ZNF268: variants seen among roughly 807,000 people sequenced by gnomAD.
ZNF268 encodes the protein zinc finger protein 3.
In ZNF268, 20 loss-of-function variants were observed where a neutral mutation model predicts 29.3. The observed-to-expected ratio is 0.68, with a 90% CI of 0.48 to 0.99. The LOEUF is 0.99. ZNF268 is among the 50% of genes least tolerant of loss of function. The pLI, the probability that ZNF268 is intolerant of heterozygous loss-of-function variation, is 0.00. For missense variants in ZNF268, 1,240 were observed against 1,121.6 expected, an observed-to-expected ratio of 1.11 and a Z score of -1.51; for synonymous variants, 429 against 376.9, an observed-to-expected ratio of 1.14 and a Z score of -1.60.
rs1957026772 is a variant in ZNF268, at chr12:133,214,383, C to T, written c.*9853C>T. On this transcript the variant is annotated 3_prime_UTR_variant, in exon 6 of 6. Transcript: ENST00000536435. ...GTGGAGGAACCTCAGAAACATTGTG[C>T]TGAGAACCCAGCACAAGGCCACACA... is the stretch of plus-strand genomic sequence containing the variant. 1 of 152,094 alleles carries T rather than the reference C, an allele frequency of 6.6e-6. No homozygotes were observed. Among genetic ancestry groups the T allele is most frequent in the African/African-American group, 2.4e-5 (1 of 41,402 alleles). 9.4% of individuals were successfully genotyped at this position (152,094 alleles called of 1,614,324 possible).
At chr12:133,199,605 G>A (rs1042750978) in intron 5 of ZNF268, among the ~76,000 whole-genome samples, 2 of 151,810 alleles carry the variant, frequency 1.3e-5, no homozygotes, top group Non-Finnish European at 2.9e-5. Context: ...AGTTTCAGAA[G>A]GAATAGTACC....
At chr12:133,183,649 TA>T (rs1439403976) in intron 2 of ZNF268, among the ~76,000 whole-genome samples, 2 of 152,164 alleles carry the variant, frequency 1.3e-5, no homozygotes, top group African/African-American at 2.4e-5. Flanking sequence ...ATTTGCTGAG[TA>T]AGGGAAGACT....
chr12:133,203,608 G>GT lies in ZNF268; in HGVS notation c.1924dup (p.Cys642LeufsTer2). 1 of 1,569,378 alleles carries GT rather than the reference G, an allele frequency of 6.4e-7. No individual in the cohort carries two copies. The highest frequency in any genetic ancestry group is 8.6e-7 in the Non-Finnish European group (1 of 1,160,814). ...ACTCATACAGGAGAGAAACCCTATA[G>GT]TTGTAATGAATGTGGAAAAGCCTTT... On this transcript the variant is annotated frameshift_variant, in exon 6 of 6. Transcript: ENST00000536435. LOFTEE classifies it low-confidence loss of function (END_TRUNC).
Position 133,187,878 on chromosome 12 carries a change from C to T in ZNF268, c.40C>T (p.Pro14Ser), listed in dbSNP as rs200829573. 5.4e-4 allele frequency: 863 copies of T among 1,591,690 alleles called. 1 individual carries two copies. Among genetic ancestry groups the T allele is most frequent in the Non-Finnish European group, 6.4e-4 (743 of 1,168,702 alleles). ...TTTGCTCTTGAGTCCACAGGTCCCA[C>T]CTCTCCAAGAACGAAACAGTTCATG... The part of the protein sequence containing the change: ...RVRTASIWVP[P>S]LQERNSSWDR... The change falls in exon 3 of 6, where the codon CCT (proline) becomes TCT (serine). Residue 14 changes from proline to serine, a missense_variant. By Grantham distance (74) the Pro-to-Ser change is moderately conservative. This residue lies in a region of ZNF268 where 51 missense variants were observed against 51.4 expected (regional missense o/e 0.99). Transcript: ENST00000536435.
intron 5 of ZNF268, chr12:133,193,523 A>G (rs984975655): frequency 1.4e-6 from 1 of 692,930 alleles, no homozygotes; most frequent in Non-Finnish European, 2.6e-6. Context: ...TTGTTGCTGC[A>G]TCCTCTGGAG....
At chr12:133,190,533 A>G (rs1022114932) in intron 3 of ZNF268, among the ~76,000 whole-genome samples, 3 of 152,162 alleles carry the variant, frequency 2.0e-5, no homozygotes, top group Non-Finnish European at 4.4e-5. Context: ...TGGATTTGCA[A>G]TTCCCTAATG....
chr12:133,191,394 AC>A, intron 3 of ZNF268, 94 bp from the exon 4 acceptor site: 1 of 1,459,658 alleles, frequency 6.9e-7, no homozygotes, highest in Non-Finnish European at 9.4e-7. Flanking sequence ...TTTTGTTCTC[AC>A]AAAGTTAAAC....
In ZNF268 at chr12:133,202,967, A is replaced by G; in HGVS notation, c.1281A>G (p.Thr427=). The stretch of plus-strand genomic sequence containing the variant: ...ATGAATGTCAGAAAGCCTTTAATAC[A>G]AAGTCAAACCTTATGGTACATCAGA... ...ECNECQKAFN[T]KSNLMVHQRT... is the part of the protein sequence containing the mutation. Residue 427 remains threonine (T), a synonymous_variant, in exon 6 of 6, where the codon ACA becomes ACG. Coordinates refer to ENST00000536435, the MANE Select transcript of ZNF268 (RefSeq NM_003415.3). 6.5e-7 allele frequency: 1 copy of G among 1,547,590 alleles called. No individual in the cohort carries two copies. The highest frequency in any genetic ancestry group is 8.7e-7 in the Non-Finnish European group (1 of 1,151,444).
At chr12:133,198,362 T>A (rs1566376408) in intron 5 of ZNF268, among the ~76,000 whole-genome samples, 1 of 150,546 alleles carries the variant, frequency 6.6e-6, no homozygotes, top group Non-Finnish European at 1.5e-5. Context: ...CGGCATTATT[T>A]CTGAGGGCTC....
At position 133,189,838 on chromosome 12, in the gene ZNF268, C is replaced by T. The variant is rs191246805; in HGVS notation, c.235-1651C>T. On this transcript the variant is annotated intron_variant, in intron 3 of 5. Coordinates refer to ENST00000536435, the MANE Select transcript of ZNF268 (RefSeq NM_003415.3). ...TGTTTGTTTTTTTGAGACGGAGTCT[C>T]GCTCTGTCGCCTAGGCTGGAGCACA... is the stretch of plus-strand genomic sequence containing the variant. 5.9e-5 allele frequency among the ~76,000 whole-genome samples: 9 copies of T among 152,184 alleles called. 1 individual carries two copies. The East Asian group carries it at 1.4e-3, about 23-fold the overall frequency.
intron 5 of ZNF268, among the ~76,000 whole-genome samples, chr12:133,194,524 C>T (rs1956550821): frequency 6.6e-6 from 1 of 152,154 alleles, no homozygotes; most frequent in Non-Finnish European, 1.5e-5. Flanking sequence ...TGTTTCTTCA[C>T]ACACGAGTCT....
intron 5 of ZNF268, among the ~76,000 whole-genome samples, chr12:133,200,693 C>T (rs1956732572): frequency 6.6e-6 from 1 of 152,044 alleles, no homozygotes; most frequent in Non-Finnish European, 1.5e-5. Context: ...TTCTATCTTT[C>T]CCTTTTTGTT....
Position 133,202,314 on chromosome 12 carries a change from T to C in ZNF268, c.628T>C (p.Leu210=). Residue 210 remains leucine (L), a synonymous_variant, in exon 6 of 6, where the codon TTG becomes CTG. Coordinates refer to ENST00000536435, the MANE Select transcript of ZNF268 (RefSeq NM_003415.3). ...PHKCGTHGKS[L]KYIDFTSDYA... ...TAAATGTGGCACGCATGGAAAGAGT[T>C]TGAAATATATAGATTTCACTAGTGA... The C allele has an allele frequency of 1.9e-6, 3 of 1,612,364 alleles. No homozygotes were observed. Among genetic ancestry groups the C allele is most frequent in the Non-Finnish European group, 2.5e-6 (3 of 1,179,154 alleles).
chr12:133,193,560 G>A, intron 5 of ZNF268: 2 of 639,532 alleles, frequency 3.1e-6, no homozygotes, highest in South Asian at 1.8e-5. Context: ...GACAGAAAGA[G>A]GGGCAAAAAA....
intron 5 of ZNF268, among the ~76,000 whole-genome samples, chr12:133,194,265 A>G (rs560421974): frequency 2.6e-5 from 4 of 152,302 alleles, no homozygotes; most frequent in African/African-American, 7.2e-5. Flanking sequence ...GGATTGTTTC[A>G]GCTGCAGTTG....
intron 5 of ZNF268, among the ~76,000 whole-genome samples, chr12:133,193,181 G>T (rs761241236): frequency 6.6e-6 from 1 of 151,920 alleles, no homozygotes; most frequent in African/African-American, 2.4e-5. Context: ...AAAGACTTAC[G>T]CATTAGCTGA....
chr12:133,186,728 G>C (rs904229133), intron 2 of ZNF268, among the ~76,000 whole-genome samples: 1 of 152,090 alleles, frequency 6.6e-6, no homozygotes, highest in African/African-American at 2.4e-5. Flanking sequence ...AAACGTGATG[G>C]AATACTATTC....
intron 2 of ZNF268, among the ~76,000 whole-genome samples, chr12:133,184,085 G>A (rs1193855619): frequency 1.3e-5 from 2 of 151,782 alleles, no homozygotes; most frequent in African/African-American, 2.4e-5. Context: ...GGTGAATTTG[G>A]TATCTGATGA....
chr12:133,199,627 G>T (rs1464067669), intron 5 of ZNF268, among the ~76,000 whole-genome samples: 1 of 151,644 alleles, frequency 6.6e-6, no homozygotes, highest in Non-Finnish European at 1.5e-5. Flanking sequence ...GTTCCTCCTT[G>T]TACCTCTGGT....
Sources: allele counts gnomAD v4.1 joint callset (sites outside exome capture counted in the v4.1 genomes callset), GRCh38; gene constraint gnomAD v4.1.1; regional missense constraint gnomAD v4.1.1; transcripts MANE v1.5; gene names NCBI Gene and HGNC (gene_info 2026-07-23, HGNC 2026-07-21).